Variants in SEMA5A observed in about 807,000 individuals in gnomAD.
SEMA5A encodes semaphorin 5A.
In SEMA5A, 55 loss-of-function variants were observed where a neutral mutation model predicts 135.5. The observed-to-expected ratio is 0.41, with a 90% confidence interval of 0.33 to 0.51. SEMA5A has a LOEUF of 0.51. SEMA5A is among the 20% of genes least tolerant of loss of function. SEMA5A has a pLI of 0.37. For synonymous variants in SEMA5A, 580 were observed against 546.5 expected, an observed-to-expected ratio of 1.06 and a Z score of -0.85; for missense variants, 1,290 against 1,419.9, an observed-to-expected ratio of 0.91 and a Z score of 1.47.
At chr5:9,239,950 G>T (rs1473979925) in intron 5 of SEMA5A, among the ~76,000 whole-genome samples, 1 of 152,038 alleles carries the variant, frequency 6.6e-6, no homozygotes, top group Non-Finnish European at 1.5e-5. Flanking sequence ...AAATTGTTCA[G>T]ATCCTGCGGC....
chr5:9,453,589 G>A (rs1341469232), intron 1 of SEMA5A, among the ~76,000 whole-genome samples: 1 of 152,152 alleles, frequency 6.6e-6, no homozygotes, highest in Non-Finnish European at 1.5e-5. Flanking sequence ...CAATGTTAAT[G>A]AACCAATTGC....
chr5:9,534,953 G>T (rs1045209620), intron 1 of SEMA5A, among the ~76,000 whole-genome samples: 1 of 152,186 alleles, frequency 6.6e-6, no homozygotes. Flanking sequence ...GTCCTGACTT[G>T]TGTAAGACTT....
In SEMA5A at chr5:9,252,570, G is replaced by A. The variant is rs149029095; in HGVS notation, c.271-14680C>T. On this transcript the variant is annotated intron_variant, in intron 5 of 22. Transcript: ENST00000382496. ...TTATATTTCCTAAGCGAGTTTATAC[G>A]TTGAATTAGGAGAATACAGCAAAAA... Among the ~76,000 whole-genome samples the A allele has an allele frequency of 9.2e-5, 14 of 152,206 alleles. No homozygotes were observed. The South Asian group carries it at 1.7e-3, about 18-fold the overall frequency.
At chr5:9,366,590 G>A (rs560117933) in intron 3 of SEMA5A, among the ~76,000 whole-genome samples, 1 of 152,196 alleles carries the variant, frequency 6.6e-6, no homozygotes, top group South Asian at 2.1e-4. Flanking sequence ...GGGTTTCACC[G>A]TGTTAGCTAG....
At chr5:9,081,641 G>C (rs1738391352) in intron 16 of SEMA5A, among the ~76,000 whole-genome samples, 1 of 152,126 alleles carries the variant, frequency 6.6e-6, no homozygotes, top group African/African-American at 2.4e-5. Context: ...TGAAAGTCCT[G>C]CAAGTTATCT....
intron 8 of SEMA5A, among the ~76,000 whole-genome samples, chr5:9,220,370 A>AAAC (rs568200884): frequency 0.043 from 6,558 of 152,146 alleles, 188 homozygotes; most frequent in Non-Finnish European, 0.063. Flanking sequence ...AACTAAGAAA[A>AAAC]AACAACAAAA....
intron 5 of SEMA5A, among the ~76,000 whole-genome samples, chr5:9,284,499 T>C (rs1208721271): frequency 1.3e-5 from 2 of 152,338 alleles, no homozygotes; most frequent in East Asian, 1.9e-4. Context: ...AGCCAGCATA[T>C]AAGGAAAGAT....
chr5:9,202,293 T>G, intron 8 of SEMA5A, 53 bp from the exon 9 acceptor site: 1 of 1,579,788 alleles, frequency 6.3e-7, no homozygotes, highest in Non-Finnish European at 8.6e-7. Context: ...TCATTCCCTT[T>G]TGGTCTTGCC....
At chr5:9,166,505 C>G (rs564975049) in intron 11 of SEMA5A, among the ~76,000 whole-genome samples, 3 of 152,276 alleles carry the variant, frequency 2.0e-5, no homozygotes, top group Non-Finnish European at 4.4e-5. Context: ...CTATTCTTTT[C>G]TTATTAATGT....
intron 1 of SEMA5A, among the ~76,000 whole-genome samples, chr5:9,465,273 A>T (rs1046280154): frequency 6.6e-6 from 1 of 152,262 alleles, no homozygotes; most frequent in African/African-American, 2.4e-5. Context: ...TCAAGTTGAA[A>T]TAAGAATCTT....
intron 1 of SEMA5A, among the ~76,000 whole-genome samples, chr5:9,457,603 T>A (rs1758887660): frequency 6.6e-6 from 1 of 152,208 alleles, no homozygotes; most frequent in South Asian, 2.1e-4. Flanking sequence ...CTGTGCCTCC[T>A]TGCTTAATAT....
intron 9 of SEMA5A, among the ~76,000 whole-genome samples, chr5:9,198,790 A>G (rs1485174276): frequency 6.6e-6 from 1 of 152,214 alleles, no homozygotes; most frequent in Non-Finnish European, 1.5e-5. Context: ...GTGGACTTTA[A>G]TAAGGACAAG....
At chr5:9,238,292 T>G (rs1748018495) in intron 5 of SEMA5A, among the ~76,000 whole-genome samples, 1 of 152,216 alleles carries the variant, frequency 6.6e-6, no homozygotes, top group Admixed American at 6.5e-5. Context: ...TTTAACATTT[T>G]TATTTTATTC....
chr5:9,466,421 G>T (rs563676091), intron 1 of SEMA5A, among the ~76,000 whole-genome samples: 5 of 150,846 alleles, frequency 3.3e-5, no homozygotes, highest in African/African-American at 9.7e-5. Flanking sequence ...GGCAGTGAAG[G>T]AATCATGCCT....
At chr5:9,177,752 A>G (rs1744280839) in intron 11 of SEMA5A, among the ~76,000 whole-genome samples, 1 of 152,216 alleles carries the variant, frequency 6.6e-6, no homozygotes, top group African/African-American at 2.4e-5. Flanking sequence ...TACTAGGGTT[A>G]TGTGGATTTT....
chr5:9,183,865 A>G (rs180946082), intron 11 of SEMA5A, among the ~76,000 whole-genome samples: 345 of 152,244 alleles, frequency 2.3e-3, no homozygotes, highest in Non-Finnish European at 4.2e-3. Context: ...TTATCCCTAA[A>G]TTTTCCATGT....
At chr5:9,053,882 G>T (rs937212517) in intron 19 of SEMA5A, 7 of 487,232 alleles carry the variant, frequency 1.4e-5, no homozygotes, top group Non-Finnish European at 2.4e-5. Context: ...CTTTGAACAC[G>T]AGTTCTGAAT....
At chr5:9,472,867 A>G (rs998263974) in intron 1 of SEMA5A, among the ~76,000 whole-genome samples, 1 of 150,594 alleles carries the variant, frequency 6.6e-6, no homozygotes, top group African/African-American at 2.4e-5. Context: ...AAATACATAT[A>G]CTTATATAGA....
chr5:9,070,758 C>T (rs932295500), intron 16 of SEMA5A, among the ~76,000 whole-genome samples: 1 of 152,180 alleles, frequency 6.6e-6, no homozygotes, highest in Admixed American at 6.5e-5. Context: ...CAAAATTTAA[C>T]ATGAGACTCA....
Sources: allele counts gnomAD v4.1 joint callset (sites outside exome capture counted in the v4.1 genomes callset), GRCh38; gene constraint gnomAD v4.1.1; transcripts MANE v1.5; gene names NCBI Gene and HGNC (gene_info 2026-07-23, HGNC 2026-07-21).